Variants in TMEM232 observed in about 807,000 individuals in gnomAD.
The protein encoded by TMEM232 is transmembrane protein 232.
Under a neutral mutation model 78.8 loss-of-function variants are expected in TMEM232, and 80 were observed. The observed-to-expected ratio is 1.01, with a 90% CI of 0.85 to 1.22. The LOEUF (loss-of-function observed/expected upper bound fraction) is 1.22. Ranked by LOEUF, TMEM232 falls within the 50% of genes most tolerant of loss-of-function variation. The pLI, the probability that TMEM232 is intolerant of heterozygous loss-of-function variation, is 0.00. For missense variants in TMEM232, 881 were observed against 742.2 expected, an observed-to-expected ratio of 1.19 and a Z score of -2.17; for synonymous variants, 297 against 254.3, an observed-to-expected ratio of 1.17 and a Z score of -1.60.
chr5:110,605,410 A>G, intron 9 of TMEM232, 52 bp from the exon 10 acceptor site: 2 of 1,491,106 alleles, frequency 1.3e-6, no homozygotes, highest in Non-Finnish European at 1.8e-6. Context: ...TTGCATATCA[A>G]TAACTACACA....
At chr5:110,591,171 T>C (rs1291076797) in intron 10 of TMEM232, among the ~76,000 whole-genome samples, 1 of 152,182 alleles carries the variant, frequency 6.6e-6, no homozygotes, top group Non-Finnish European at 1.5e-5. Flanking sequence ...AAGAACATTA[T>C]TTGAGGCCAA....
At chr5:110,483,472 C>T (rs1764117185) in intron 12 of TMEM232, among the ~76,000 whole-genome samples, 1 of 152,088 alleles carries the variant, frequency 6.6e-6, no homozygotes, top group African/African-American at 2.4e-5. Flanking sequence ...TTGAAGATTT[C>T]ATCATTCTCA....
intron 12 of TMEM232, among the ~76,000 whole-genome samples, chr5:110,448,204 ATAAT>A (rs1369271904): frequency 2.0e-5 from 3 of 152,104 alleles, no homozygotes; most frequent in African/African-American, 7.2e-5. Context: ...AAATCATGAA[ATAAT>A]TAATTTTTGC....
intron 11 of TMEM232, among the ~76,000 whole-genome samples, chr5:110,551,960 T>C (rs10052447): frequency 0.018 from 2,806 of 152,132 alleles, 105 homozygotes; most frequent in African/African-American, 0.065. Flanking sequence ...CCAGGCTACC[T>C]GCACAGATTA....
chr5:110,672,897 G>GT, intron 1 of TMEM232, among the ~76,000 whole-genome samples: 2 of 151,928 alleles, frequency 1.3e-5, no homozygotes, highest in Middle Eastern at 3.4e-3. Context: ...TTTAAGATTC[G>GT]TTTTCCAGGT....
upstream of TMEM232, chr5:110,738,223 G>A (rs1799411576): frequency 7.8e-7 from 1 of 1,287,114 alleles, no homozygotes; most frequent in Non-Finnish European, 1.0e-6. Flanking sequence ...CCTGGCCCAA[G>A]AGCCCGTGGA....
exon 1 of TMEM232, chr5:110,738,010 TAAAA>T: frequency 4.5e-6 from 1 of 223,846 alleles, no homozygotes; most frequent in Non-Finnish European, 9.4e-6. Context: ...CCATAAAAAA[TAAAA>T]AGTGATAAAA....
At chr5:110,514,041 T>C (rs1768204944) in intron 12 of TMEM232, 1 of 166,978 alleles carries the variant, frequency 6.0e-6, no homozygotes, top group Non-Finnish European at 1.5e-5. Flanking sequence ...TTATTTAAAC[T>C]CAATTATTTC....
chr5:110,604,310 C>T (rs1347986306), intron 10 of TMEM232, among the ~76,000 whole-genome samples: 1 of 152,044 alleles, frequency 6.6e-6, no homozygotes, highest in East Asian at 1.9e-4. Context: ...ATGTTTTATT[C>T]TATTATCTCC....
chr5:110,725,211 C>A (rs376630430), intron 1 of TMEM232, among the ~76,000 whole-genome samples: 1 of 152,086 alleles, frequency 6.6e-6, no homozygotes, highest in East Asian at 1.9e-4. Flanking sequence ...GTTTGAGAAA[C>A]CACTGGATTA....
At chr5:110,668,940 G>A (rs1238267678) in intron 1 of TMEM232, among the ~76,000 whole-genome samples, 3 of 152,130 alleles carry the variant, frequency 2.0e-5, no homozygotes, top group African/African-American at 7.2e-5. Context: ...TGAGAACAAA[G>A]ACACAACATA....
intron 12 of TMEM232, among the ~76,000 whole-genome samples, chr5:110,505,727 C>T (rs1054003845): frequency 1.3e-5 from 2 of 152,124 alleles, no homozygotes; most frequent in Non-Finnish European, 2.9e-5. Flanking sequence ...CCAGGCTGGT[C>T]TGGAACTCCT....
At chr5:110,650,894 A>G (rs889641318) in intron 2 of TMEM232, among the ~76,000 whole-genome samples, 1 of 152,118 alleles carries the variant, frequency 6.6e-6, no homozygotes, top group Non-Finnish European at 1.5e-5. Flanking sequence ...GCAATAGGAG[A>G]AACTGAGTGC....
intron 2 of TMEM232, among the ~76,000 whole-genome samples, chr5:110,644,669 T>G (rs1255635964): frequency 6.6e-6 from 1 of 150,936 alleles, no homozygotes; most frequent in Non-Finnish European, 1.5e-5. Flanking sequence ...TGAAGAAATA[T>G]CTGGAAAAAA....
chr5:110,708,753 A>C (rs1056933955), intron 1 of TMEM232, among the ~76,000 whole-genome samples: 3 of 152,166 alleles, frequency 2.0e-5, no homozygotes, highest in Non-Finnish European at 4.4e-5. Context: ...AAAAGCAAGA[A>C]ATTAAGTCAT....
chr5:110,523,846 A>G (rs1769932957), intron 12 of TMEM232, among the ~76,000 whole-genome samples: 1 of 151,626 alleles, frequency 6.6e-6, no homozygotes, highest in South Asian at 2.1e-4. Context: ...CTGTGGTCCC[A>G]GCTACTCAGG....
chr5:110,434,022 C>T (rs1758141289), intron 12 of TMEM232, among the ~76,000 whole-genome samples: 1 of 151,434 alleles, frequency 6.6e-6, no homozygotes. Context: ...ATCTTTCCTC[C>T]TTGATTTTTT....
At chr5:110,458,311 G>A (rs975125797) in intron 12 of TMEM232, among the ~76,000 whole-genome samples, 6 of 151,084 alleles carry the variant, frequency 4.0e-5, no homozygotes, top group Admixed American at 6.6e-5. Flanking sequence ...CAGTGCTCTA[G>A]TACAAAACAA....
intron 11 of TMEM232, among the ~76,000 whole-genome samples, chr5:110,566,589 A>G (rs1305020566): frequency 6.6e-6 from 1 of 151,946 alleles, no homozygotes; most frequent in Admixed American, 6.6e-5. Context: ...CCTTTACTCC[A>G]GTTCCCAACA....
Sources: gnomAD v4.1 joint callset for allele counts (sites outside exome capture counted in the v4.1 genomes callset) on GRCh38, gnomAD v4.1.1 for gene constraint, MANE v1.5 for transcripts, NCBI Gene and HGNC (gene_info 2026-07-23, HGNC 2026-07-21) for gene names.